The following ACYP2 variants were observed in gnomAD, a reference collection of about 807,000 sequenced individuals.
The protein encoded by ACYP2 is acylphosphatase-2.
Under a neutral mutation model 11.2 loss-of-function variants are expected in ACYP2, and 12 were observed. That is an observed-to-expected ratio of 1.08 (90% confidence interval 0.69 to 1.74). The LOEUF (loss-of-function observed/expected upper bound fraction) is 1.74. Ranked by LOEUF, ACYP2 falls within the 40% of genes most tolerant of loss-of-function variation. The pLI is 0.00. For synonymous variants in ACYP2, 43 were observed against 32.2 expected (o/e 1.33, Z -1.13); for missense variants, 134 against 101.9 (o/e 1.31, Z -1.35).
chr2:54,011,737 AT>A (rs5831287), intron 2 of ACYP2, among the ~76,000 whole-genome samples: 108,809 of 150,664 alleles, frequency 0.72, 39,547 homozygotes, highest in East Asian at 0.92. Context: ...TTTTTGGTGT[AT>A]TTTTTTTTTT....
intron 6 of ACYP2, among the ~76,000 whole-genome samples, chr2:54,280,297 G>C (rs1399079899): frequency 2.0e-5 from 3 of 152,182 alleles, no homozygotes; most frequent in African/African-American, 4.8e-5. Flanking sequence ...GTGGTTGAAA[G>C]TCTGTGACTG....
chr2:54,251,355 ATG>A (rs1416121254), intron 6 of ACYP2, among the ~76,000 whole-genome samples: 5 of 141,430 alleles, frequency 3.5e-5, no homozygotes, highest in African/African-American at 7.7e-5. Context: ...CAGAAAAATA[ATG>A]TGTTTTTTTT....
intron 6 of ACYP2, among the ~76,000 whole-genome samples, chr2:54,224,879 C>T (rs1487329926): frequency 6.6e-6 from 1 of 152,176 alleles, no homozygotes; most frequent in Non-Finnish European, 1.5e-5. Flanking sequence ...TTGTAACGTA[C>T]AGTACCTACA....
intron 6 of ACYP2, chr2:54,255,822 G>A: frequency 6.2e-7 from 1 of 1,613,882 alleles, no homozygotes; most frequent in Non-Finnish European, 8.5e-7. Flanking sequence ...CATTTTTGAG[G>A]CTGCCGTCAG....
intron 2 of ACYP2, among the ~76,000 whole-genome samples, chr2:54,029,361 A>G (rs1674459483): frequency 6.8e-6 from 1 of 147,946 alleles, no homozygotes; most frequent in Admixed American, 6.8e-5. Flanking sequence ...CTGAGGTCAT[A>G]TTTACCAGGT....
chr2:54,096,599 G>A (rs889639433), intron 4 of ACYP2, among the ~76,000 whole-genome samples: 10 of 152,188 alleles, frequency 6.6e-5, no homozygotes. Flanking sequence ...GGGAGGCCGA[G>A]GCTGGCGGAT....
intron 6 of ACYP2, among the ~76,000 whole-genome samples, chr2:54,262,801 T>A (rs1687839417): frequency 6.6e-6 from 1 of 152,246 alleles, no homozygotes; most frequent in African/African-American, 2.4e-5. Context: ...AACTGTATCA[T>A]CTTTAATTTA....
At chr2:54,047,220 T>C (rs1055517328) in intron 2 of ACYP2, among the ~76,000 whole-genome samples, 13 of 152,242 alleles carry the variant, frequency 8.5e-5, no homozygotes, top group African/African-American at 2.7e-4. Flanking sequence ...ATTTTCCTAA[T>C]TGCAGGCTTC....
At chr2:54,201,680 T>TTCTTTCTTTC (rs1395606887) in intron 6 of ACYP2, among the ~76,000 whole-genome samples, 191 of 107,346 alleles carry the variant, frequency 1.8e-3, no homozygotes, top group Middle Eastern at 4.3e-3. Context: ...CTTTCTTTCT[T>TTCTTTCTTTC]TCTCTCTCTC....
In ACYP2 at chr2:54,027,606, CTT is replaced by C. The variant is rs757641860; in HGVS notation, c.63-23349_63-23348del. 5.3e-5 allele frequency among the ~76,000 whole-genome samples: 8 copies of C among 152,186 alleles called. No individual in the cohort carries two copies. In the East Asian group the frequency reaches 9.6e-4, roughly 18 times the overall value. On this transcript the variant is annotated intron_variant, in intron 2 of 6. Transcript: ENST00000607452. ...TTATGCTTTTCTCTTGTTAATCTGT[CTT>C]TTATTATAGAGGTCTCAGCCATAAA...
intron 6 of ACYP2, chr2:54,255,849 G>A (rs1573001987): frequency 6.2e-7 from 1 of 1,614,010 alleles, no homozygotes; most frequent in South Asian, 1.1e-5. Flanking sequence ...GCGAGGCAGA[G>A]GCCGCTTCTA....
In ACYP2 at chr2:54,073,289, G is replaced by A. The variant is rs1176504382; in HGVS notation, c.277+15929G>A. 2.0e-5 allele frequency among the ~76,000 whole-genome samples: 3 copies of A among 152,204 alleles called. No individual in the cohort carries two copies. The South Asian group carries it at 6.2e-4, about 32-fold the overall frequency. On this transcript the variant is annotated intron_variant, in intron 4 of 6. Coordinates refer to ENST00000607452, the MANE Select transcript of ACYP2 (RefSeq NM_001320586.2). ...TGCCTGTAGTCCCAGCTACTTGGGA[G>A]GCTGAGGTGGGAAGATCTCTTGAGC...
At chr2:54,015,890 C>G (rs920889399) in intron 2 of ACYP2, among the ~76,000 whole-genome samples, 2 of 152,008 alleles carry the variant, frequency 1.3e-5, no homozygotes, top group Non-Finnish European at 2.9e-5. Context: ...TCTCCAAACT[C>G]CTGGCATCAA....
chr2:54,052,646 C>G (rs1675930543), intron 3 of ACYP2, among the ~76,000 whole-genome samples: 1 of 152,008 alleles, frequency 6.6e-6, no homozygotes, highest in African/African-American at 2.4e-5. Flanking sequence ...GAGTATTGTC[C>G]TTAAACAAAA....
intron 6 of ACYP2, among the ~76,000 whole-genome samples, chr2:54,276,560 C>T (rs1056066947): frequency 1.3e-5 from 2 of 151,102 alleles, no homozygotes; most frequent in African/African-American, 2.4e-5. Context: ...ATTGTAATGA[C>T]TTTGACTTTG....
intron 2 of ACYP2, among the ~76,000 whole-genome samples, chr2:54,008,775 G>A (rs1317410637): frequency 2.0e-5 from 3 of 152,114 alleles, no homozygotes; most frequent in African/African-American, 4.8e-5. Context: ...ATGGGATGAC[G>A]GAAGAGTACA....
chr2:54,003,650 G>T (rs1000406152), intron 2 of ACYP2, among the ~76,000 whole-genome samples: 2 of 152,040 alleles, frequency 1.3e-5, no homozygotes, highest in Non-Finnish European at 2.9e-5. Context: ...AAGGTATCTT[G>T]TTTTTTTCCC....
chr2:54,211,884 C>T (rs1283326495), intron 6 of ACYP2, among the ~76,000 whole-genome samples: 6 of 152,048 alleles, frequency 3.9e-5, no homozygotes, highest in Non-Finnish European at 8.8e-5. Flanking sequence ...CTTCATGATG[C>T]CAGGAACTCT....
chr2:54,062,002 A>G (rs1451897401), intron 4 of ACYP2, among the ~76,000 whole-genome samples: 1 of 152,208 alleles, frequency 6.6e-6, no homozygotes, highest in Non-Finnish European at 1.5e-5. Context: ...ACATAGTTAG[A>G]TCATTATATT....
Sources: gnomAD v4.1 joint callset for allele counts (sites outside exome capture counted in the v4.1 genomes callset) on GRCh38, gnomAD v4.1.1 for gene constraint, MANE v1.5 for transcripts, NCBI Gene and HGNC (gene_info 2026-07-23, HGNC 2026-07-21) for gene names.